The following LRRIQ3 variants were observed in gnomAD, a reference collection of about 807,000 sequenced individuals.
The protein encoded by LRRIQ3 is leucine-rich repeat and IQ domain-containing protein 3.
Under a neutral mutation model 59.3 loss-of-function variants are expected in LRRIQ3, and 75 were observed. The ratio of observed to expected loss-of-function variants is 1.26; its 90% CI spans 1.05 to 1.53. The LOEUF is 1.53. Ranked by LOEUF, LRRIQ3 falls within the 40% of genes most tolerant of loss-of-function variation. The pLI is 0.00. For synonymous variants in LRRIQ3, 250 were observed against 231.3 expected, an observed-to-expected ratio of 1.08 and a Z score of -0.73; for missense variants, 831 against 710.0, an observed-to-expected ratio of 1.17 and a Z score of -1.94.
chr1:74,192,106 T>G (rs1469567668), intron 1 of LRRIQ3, among the ~76,000 whole-genome samples: 1 of 152,108 alleles, frequency 6.6e-6, no homozygotes, highest in Non-Finnish European at 1.5e-5. Flanking sequence ...ACCATTAACC[T>G]GTAGTTCACA....
chr1:74,197,452 C>T (rs1459583912), intron 1 of LRRIQ3, among the ~76,000 whole-genome samples: 1 of 152,108 alleles, frequency 6.6e-6, no homozygotes, highest in Non-Finnish European at 1.5e-5. Context: ...CAAGAAACCT[C>T]GTGTTCTATA....
At chr1:74,068,075 G>A (rs549203382) in intron 6 of LRRIQ3, among the ~76,000 whole-genome samples, 1 of 152,048 alleles carries the variant, frequency 6.6e-6, no homozygotes, top group East Asian at 1.9e-4. Flanking sequence ...AGTTATCACG[G>A]GGAAATTCTT....
chr1:74,129,615 C>T (rs568200104), intron 4 of LRRIQ3, among the ~76,000 whole-genome samples: 3 of 152,058 alleles, frequency 2.0e-5, no homozygotes, highest in East Asian at 2.0e-4. Context: ...GATGAAGTCA[C>T]CTTTTCTCTC....
At chr1:74,156,678 T>C (rs1557644591) in intron 3 of LRRIQ3, among the ~76,000 whole-genome samples, 1 of 152,176 alleles carries the variant, frequency 6.6e-6, no homozygotes, top group Non-Finnish European at 1.5e-5. Context: ...CATAAAATAA[T>C]GTATAGTAGT....
intron 4 of LRRIQ3, among the ~76,000 whole-genome samples, chr1:74,147,237 G>T (rs568539465): frequency 3.1e-4 from 47 of 152,108 alleles, no homozygotes; most frequent in African/African-American, 1.1e-3. Context: ...CAAAAGAAAA[G>T]AATTGCCTAC....
chr1:74,098,016 G>C (rs1330947329), intron 5 of LRRIQ3, among the ~76,000 whole-genome samples: 1 of 152,096 alleles, frequency 6.6e-6, no homozygotes, highest in Non-Finnish European at 1.5e-5. Context: ...AAAATAACCA[G>C]CTAACATCAT....
At chr1:74,195,212 T>G (rs1258374414) in intron 1 of LRRIQ3, among the ~76,000 whole-genome samples, 1 of 152,178 alleles carries the variant, frequency 6.6e-6, no homozygotes, top group Non-Finnish European at 1.5e-5. Flanking sequence ...AATTTTTGCT[T>G]TCGTTGCATG....
intron 3 of LRRIQ3, among the ~76,000 whole-genome samples, chr1:74,168,335 C>A (rs1035198989): frequency 6.6e-6 from 1 of 152,006 alleles, no homozygotes; most frequent in African/African-American, 2.4e-5. Context: ...GATATAACAT[C>A]TCTCTCCACC....
At chr1:74,151,672 C>T (rs1005340944) in intron 4 of LRRIQ3, among the ~76,000 whole-genome samples, 29 of 152,036 alleles carry the variant, frequency 1.9e-4, no homozygotes, top group Admixed American at 1.7e-3. Context: ...TGAAGCATTC[C>T]GGGACTCTAA....
At chr1:74,147,104 T>A (rs1305645781) in intron 4 of LRRIQ3, among the ~76,000 whole-genome samples, 3 of 152,074 alleles carry the variant, frequency 2.0e-5, no homozygotes, top group Non-Finnish European at 4.4e-5. Context: ...AACGCGTGCC[T>A]GTGGTCCCAG....
intron 1 of LRRIQ3, among the ~76,000 whole-genome samples, chr1:74,191,186 G>T (rs1443426789): frequency 1.3e-5 from 2 of 152,074 alleles, no homozygotes; most frequent in African/African-American, 4.8e-5. Context: ...CTATATCAAG[G>T]ACACTGTATG....
intron 5 of LRRIQ3, among the ~76,000 whole-genome samples, chr1:74,092,262 A>T (rs544577275): frequency 6.6e-6 from 1 of 152,246 alleles, no homozygotes; most frequent in East Asian, 1.9e-4. Flanking sequence ...CCATAATATC[A>T]GTCCTAGACT....
At chr1:74,137,934 GC>G (rs1230398010) in intron 4 of LRRIQ3, among the ~76,000 whole-genome samples, 2 of 150,534 alleles carry the variant, frequency 1.3e-5, no homozygotes, top group African/African-American at 4.9e-5. Context: ...ACACACCGGG[GC>G]CTGTCAGGGG....
chr1:74,175,222 A>G (rs1237765447), intron 3 of LRRIQ3, among the ~76,000 whole-genome samples: 1 of 152,146 alleles, frequency 6.6e-6, no homozygotes, highest in Non-Finnish European at 1.5e-5. Context: ...AAATGGAAGA[A>G]GATGTTGTTA....
intron 3 of LRRIQ3, chr1:74,181,869 T>C (rs2100722523): frequency 6.6e-6 from 1 of 151,898 alleles, no homozygotes; most frequent in Non-Finnish European, 1.5e-5. Flanking sequence ...CCTCAAAATT[T>C]CTACACACAT....
intron 4 of LRRIQ3, among the ~76,000 whole-genome samples, chr1:74,138,167 A>G (rs79003618): frequency 1.2e-4 from 13 of 109,156 alleles, no homozygotes; most frequent in Non-Finnish European, 2.3e-4. Context: ...AACAAACAAA[A>G]AAAAAAAACA....
intron 1 of LRRIQ3, among the ~76,000 whole-genome samples, chr1:74,189,732 T>G (rs1400655577): frequency 2.0e-5 from 3 of 152,112 alleles, no homozygotes; most frequent in Non-Finnish European, 2.9e-5. Flanking sequence ...GAAACCCCTT[T>G]TTCTTTGTTC....
chr1:74,101,961 T>C (rs1483903933), intron 5 of LRRIQ3, among the ~76,000 whole-genome samples: 3 of 151,480 alleles, frequency 2.0e-5, no homozygotes, highest in Non-Finnish European at 4.4e-5. Context: ...CTAATGTAAA[T>C]GATGAGTTAA....
At position 74,183,674 on chromosome 1, in the gene LRRIQ3, C is replaced by G; in HGVS notation, c.11G>C (p.Gly4Ala). 6.4e-7 allele frequency: 1 copy of G among 1,555,708 alleles called. No homozygotes were observed. Among genetic ancestry groups the G allele is most frequent in the Non-Finnish European group, 8.7e-7 (1 of 1,152,846 alleles). MFH[G>A]TVTEELTSHE... ...ACTGGTTAGCTCTTCTGTGACTGTT[C>G]CATGAAACATCTAGGAAAGATAAGA... Residue 4 changes from glycine to alanine, a missense_variant, in exon 2 of 8, where the codon GGA becomes GCA. Gly to Ala is a moderately conservative substitution (Grantham distance 60). Transcript: ENST00000354431.
Sources: allele counts gnomAD v4.1 joint callset (sites outside exome capture counted in the v4.1 genomes callset), GRCh38; gene constraint gnomAD v4.1.1; transcripts MANE v1.5; gene names NCBI Gene and HGNC (gene_info 2026-07-23, HGNC 2026-07-21).